OR51B5: variants seen among roughly 807,000 people sequenced by gnomAD.
OR51B5 encodes olfactory receptor 51B5.
For synonymous variants in OR51B5, 186 were observed against 144.8 expected, an observed-to-expected ratio of 1.28 and a Z score of -2.04; for missense variants, 456 against 374.6, an observed-to-expected ratio of 1.22 and a Z score of -1.79.
chr11:5,340,903 TTGGTTTTA>T (rs1848882854), downstream of OR51B5: 1 of 152,216 alleles, frequency 6.6e-6, no homozygotes, highest in Non-Finnish European at 1.5e-5. Flanking sequence ...GGACACATGT[TTGGTTTTA>T]TGAATGATTG....
intron 1 of OR51B5, among the ~76,000 whole-genome samples, chr11:5,416,867 G>C (rs1366986998): frequency 6.6e-6 from 1 of 151,950 alleles, no homozygotes; most frequent in Admixed American, 6.6e-5. Flanking sequence ...GTAATTTACA[G>C]ATTCAATGCC....
chr11:5,392,163 G>T (rs927247213), intron 1 of OR51B5: 1 of 152,220 alleles, frequency 6.6e-6, no homozygotes, highest in Non-Finnish European at 1.5e-5. Flanking sequence ...GTGTATGTTT[G>T]TGTGGTATCT....
chr11:5,494,184 G>A (rs1323568290), intron 1 of OR51B5, among the ~76,000 whole-genome samples: 1 of 152,168 alleles, frequency 6.6e-6, no homozygotes, highest in Non-Finnish European at 1.5e-5. Context: ...TTCTGGCTTT[G>A]TTTTAGCAAA....
chr11:5,479,188 G>C (rs1444135036), intron 1 of OR51B5, among the ~76,000 whole-genome samples: 1 of 147,260 alleles, frequency 6.8e-6, no homozygotes, highest in Admixed American at 6.7e-5. Flanking sequence ...CAAGCCAGAA[G>C]AGAGTGGGGG....
intron 1 of OR51B5, among the ~76,000 whole-genome samples, chr11:5,475,256 G>A (rs901962809): frequency 3.0e-4 from 46 of 151,906 alleles, no homozygotes; most frequent in South Asian, 4.2e-4. Flanking sequence ...GATAAAATCC[G>A]AACACTCATA....
chr11:5,464,227 G>T (rs185082838), intron 1 of OR51B5, among the ~76,000 whole-genome samples: 1 of 152,272 alleles, frequency 6.6e-6, no homozygotes, highest in South Asian at 2.1e-4. Context: ...CAAATATATT[G>T]TGAACACAAA....
chr11:5,419,934 A>G (rs1045146834), intron 1 of OR51B5, among the ~76,000 whole-genome samples: 1 of 151,524 alleles, frequency 6.6e-6, no homozygotes, highest in Non-Finnish European at 1.5e-5. Flanking sequence ...GCACATATAT[A>G]AAGATTATAA....
chr11:5,346,394 A>G (rs1008645653), upstream of OR51B5: 7 of 152,078 alleles, frequency 4.6e-5, no homozygotes, highest in Non-Finnish European at 7.4e-5. Flanking sequence ...AAAGCTGAGG[A>G]AAAAAAATAT....
chr11:5,395,934 T>A (rs1849863398), intron 1 of OR51B5, among the ~76,000 whole-genome samples: 1 of 152,372 alleles, frequency 6.6e-6, no homozygotes, highest in East Asian at 1.9e-4. Flanking sequence ...TATTGAGTAT[T>A]TGCTTCTAAC....
intron 1 of OR51B5, among the ~76,000 whole-genome samples, chr11:5,370,313 G>T (rs1480966251): frequency 6.6e-6 from 1 of 152,114 alleles, no homozygotes; most frequent in Non-Finnish European, 1.5e-5. Context: ...GACTGTCCAG[G>T]ATTGGAAATG....
At chr11:5,404,339 T>C (rs1247289402) in intron 1 of OR51B5, among the ~76,000 whole-genome samples, 5 of 152,124 alleles carry the variant, frequency 3.3e-5, no homozygotes, top group African/African-American at 4.8e-5. Flanking sequence ...GCTAAAGGGT[T>C]GTAAATGCAC....
At chr11:5,431,837 GAT>G (rs1445506633) in intron 1 of OR51B5, among the ~76,000 whole-genome samples, 1 of 152,184 alleles carries the variant, frequency 6.6e-6, no homozygotes, top group Non-Finnish European at 1.5e-5. Flanking sequence ...TTGGAAAAGA[GAT>G]ATTTCAGACT....
chr11:5,406,852 G>C (rs1428148510), intron 1 of OR51B5, among the ~76,000 whole-genome samples: 1 of 151,992 alleles, frequency 6.6e-6, no homozygotes, highest in African/African-American at 2.4e-5. Context: ...TAATAGATGA[G>C]TAAATAAGAA....
chr11:5,442,614 C>T (rs750320553), intron 1 of OR51B5, among the ~76,000 whole-genome samples: 23 of 152,178 alleles, frequency 1.5e-4, no homozygotes, highest in Non-Finnish European at 2.9e-4. Flanking sequence ...AATTGTCTCT[C>T]CAGGTACCTG....
At chr11:5,356,285 C>G (rs141862708) in intron 1 of OR51B5, among the ~76,000 whole-genome samples, 56,815 of 150,646 alleles carry the variant, frequency 0.38, 10,994 homozygotes, top group Non-Finnish European at 0.4. Context: ...CCTTAAAGGA[C>G]CTGATGGAGC....
chr11:5,401,876 C>G (rs1388126215), intron 1 of OR51B5, among the ~76,000 whole-genome samples: 1 of 62,736 alleles, frequency 1.6e-5, no homozygotes, highest in Non-Finnish European at 3.2e-5. Flanking sequence ...TTCCTTCCTT[C>G]CTTTTCTCTC....
At chr11:5,343,653 A>G (rs185875044), upstream of OR51B5, 97 of 550,062 alleles carry the variant, frequency 1.8e-4, no homozygotes, top group African/African-American at 1.7e-3. Context: ...TGACATCAAT[A>G]TAAGTGATTG....
chr11:5,357,805 T>C (rs1352828570), intron 1 of OR51B5, among the ~76,000 whole-genome samples: 1 of 151,278 alleles, frequency 6.6e-6, no homozygotes, highest in African/African-American at 2.4e-5. Context: ...CAGACCACAG[T>C]GCAATCAAAC....
Position 5,441,230 on chromosome 11 carries a change from C to G in OR51B5, n.84+64339G>C, listed in dbSNP as rs369050870. 3 of 1,613,930 alleles carry G rather than the reference C, an allele frequency of 1.9e-6. No homozygotes were observed. The Admixed American group carries it at 5.0e-5, about 27-fold the overall frequency. On this transcript the variant is annotated intron_variant and non_coding_transcript_variant, in intron 1 of 4. Transcript: ENST00000415970. ...ACATCTGGACCAGGCAAGCATTAAA[C>G]GCAACATGGTTGTAGTTGAAGCAGA...
Sources: gnomAD v4.1 joint callset for allele counts (sites outside exome capture counted in the v4.1 genomes callset) on GRCh38, gnomAD v4.1.1 for gene constraint, MANE v1.5 for transcripts, NCBI Gene and HGNC (gene_info 2026-07-23, HGNC 2026-07-21) for gene names.